GFRAL: variants seen among roughly 807,000 people sequenced by gnomAD.
The protein encoded by GFRAL is GDNF family receptor alpha-like.
A neutral mutation model predicts 45.4 loss-of-function variants in GFRAL; 36 were observed. The ratio of observed to expected loss-of-function variants is 0.79; its 90% CI spans 0.61 to 1.05. The LOEUF is 1.05. GFRAL is among the 50% of genes least tolerant of loss of function. The pLI, the probability that GFRAL is intolerant of heterozygous loss-of-function variation, is 0.00. For synonymous variants in GFRAL, 166 were observed against 154.1 expected (o/e 1.08, Z -0.57); for missense variants, 507 against 467.5 (o/e 1.08, Z -0.78).
At chr6:55,370,981 T>C (rs1254150475) in intron 6 of GFRAL, among the ~76,000 whole-genome samples, 2 of 152,200 alleles carry the variant, frequency 1.3e-5, no homozygotes, top group Non-Finnish European at 2.9e-5. Flanking sequence ...CCTCTGATGC[T>C]GGGCCCTGCC....
At chr6:55,340,385 C>T (rs1767946771) in intron 3 of GFRAL, among the ~76,000 whole-genome samples, 1 of 152,108 alleles carries the variant, frequency 6.6e-6, no homozygotes, top group Non-Finnish European at 1.5e-5. Context: ...ATACCTGACG[C>T]TTAGCAAATT....
chr6:55,338,952 G>A (rs1460190309), intron 3 of GFRAL, among the ~76,000 whole-genome samples: 1 of 152,070 alleles, frequency 6.6e-6, no homozygotes, highest in African/African-American at 2.4e-5. Context: ...AGTTATCACA[G>A]GCAATAACGT....
At chr6:55,400,289 A>C (rs965680999) in intron 8 of GFRAL, among the ~76,000 whole-genome samples, 2 of 152,188 alleles carry the variant, frequency 1.3e-5, no homozygotes, top group African/African-American at 4.8e-5. Context: ...CCATATATAC[A>C]TGTAAGTACA....
intron 6 of GFRAL, among the ~76,000 whole-genome samples, chr6:55,367,862 G>T (rs1768387326): frequency 1.3e-5 from 2 of 151,758 alleles, no homozygotes; most frequent in Admixed American, 1.3e-4. Context: ...TTTCTCTCTG[G>T]CTGCCCTTAA....
At chr6:55,374,050 C>T (rs1768492285) in intron 6 of GFRAL, among the ~76,000 whole-genome samples, 1 of 152,154 alleles carries the variant, frequency 6.6e-6, no homozygotes, top group Non-Finnish European at 1.5e-5. Context: ...GCTTCCAATT[C>T]CATCCATTTT....
chr6:55,399,232 T>G lies in GFRAL; in HGVS notation c.1005T>G (p.His335Gln), dbSNP rs759255450. Residue 335 changes from histidine to glutamine, a missense_variant, in exon 7 of 9, where the codon CAT becomes CAG. Transcript: ENST00000340465. Reference protein sequence around the residue: ...VKGMALYTRKHANKITLTGFH... With the variant: ...VKGMALYTRKQANKITLTGFH... ...GCATGGCATTGTATACAAGAAAACA[T>G]GCAAACAAAATCACTTTAACTGGAT... The G allele has an allele frequency of 6.2e-7, 1 of 1,608,336 alleles. No individual in the cohort carries two copies. The highest frequency in any genetic ancestry group is 2.2e-5 in the East Asian group (1 of 44,622).
At chr6:55,388,111 C>T (rs1039978129) in intron 6 of GFRAL, among the ~76,000 whole-genome samples, 1 of 152,180 alleles carries the variant, frequency 6.6e-6, no homozygotes, top group South Asian at 2.1e-4. Flanking sequence ...AGAGACTAAG[C>T]TTTCCCAAGC....
intron 5 of GFRAL, among the ~76,000 whole-genome samples, chr6:55,356,570 C>T (rs1212320893): frequency 6.6e-6 from 1 of 151,844 alleles, no homozygotes; most frequent in Non-Finnish European, 1.5e-5. Flanking sequence ...TTTTTAATCT[C>T]TGATTTCATT....
rs374166914 is a variant in GFRAL at position 55,350,047 on chromosome 6, A to T, written c.317-45A>T. ...TGGCCCACGTTTTCCTAGGAAATTC[A>T]GAAAATTGTTCAATAATGAAATAAT... On this transcript the variant is annotated intron_variant, in intron 3 of 8. Transcript: ENST00000340465. 503 of 1,192,594 alleles carry T rather than the reference A, an allele frequency of 4.2e-4. No individual in the cohort carries two copies. The African/African-American group carries it at 6.3e-3, about 15-fold the overall frequency. The allele number at this position is 1,192,594 out of a possible 1,614,324, so 73.9% of individuals were successfully genotyped here.
intron 3 of GFRAL, among the ~76,000 whole-genome samples, chr6:55,347,899 G>A (rs1768064653): frequency 6.6e-6 from 1 of 152,008 alleles, no homozygotes; most frequent in African/African-American, 2.4e-5. Context: ...AATTCAACTA[G>A]TCATTTTATA....
At chr6:55,360,369 G>A (rs1021712117) in intron 6 of GFRAL, among the ~76,000 whole-genome samples, 2 of 151,714 alleles carry the variant, frequency 1.3e-5, no homozygotes, top group East Asian at 3.9e-4. Flanking sequence ...TATTGAAAAT[G>A]TTTGACAGAC....
At chr6:55,328,782 G>A (rs1025832494) in intron 1 of GFRAL, among the ~76,000 whole-genome samples, 21 of 152,050 alleles carry the variant, frequency 1.4e-4, no homozygotes, top group African/African-American at 5.1e-4. Flanking sequence ...TTGACACCAG[G>A]TTGCATGAAG....
intron 3 of GFRAL, among the ~76,000 whole-genome samples, chr6:55,344,100 A>T (rs1052889155): frequency 6.6e-6 from 1 of 152,212 alleles, no homozygotes; most frequent in African/African-American, 2.4e-5. Flanking sequence ...GTTGAATTCT[A>T]GCAGAAATAC....
chr6:55,340,676 G>T lies in GFRAL; in HGVS notation c.316+6732G>T, dbSNP rs190915337. Among the ~76,000 whole-genome samples the T allele has an allele frequency of 2.5e-3, 376 of 152,278 alleles. 3 individuals carry two copies. Among genetic ancestry groups the T allele is most frequent in the African/African-American group, 8.8e-3 (367 of 41,558 alleles). ...CACTGGGGCTTGTCAGACAGTGGGG[G>T]CAGGATAGTGGGTGCAGCCTACTGA... On this transcript the variant is annotated intron_variant, in intron 3 of 8. Transcript: ENST00000340465.
chr6:55,399,584 C>A, intron 8 of GFRAL, 143 bp downstream of exon 8: 1 of 608,806 alleles, frequency 1.6e-6, no homozygotes, highest in Admixed American at 3.0e-5. Context: ...TTTTATGTGG[C>A]ATAGGTCCAT....
chr6:55,332,638 G>A (rs752712968), intron 2 of GFRAL, among the ~76,000 whole-genome samples: 6 of 151,982 alleles, frequency 3.9e-5, no homozygotes, highest in Non-Finnish European at 7.4e-5. Flanking sequence ...TGGCCAGGAT[G>A]GTCTCAATTT....
In GFRAL at chr6:55,366,959, G is replaced by A. The variant is rs532967413; in HGVS notation, c.952+7821G>A. Among the ~76,000 whole-genome samples, 212 of 57,956 alleles carry A rather than the reference G, an allele frequency of 3.7e-3. 3 individuals are homozygous for A. The highest frequency in any genetic ancestry group is 0.019 in the African/African-American group (176 of 9,116). 38.0% of individuals were successfully genotyped at this position (57,956 alleles called of 152,430 possible). Reference sequence around the variant, plus strand: ...AGTTCTGTAGATGTCTATTAGGTCCGCTTGGTGCAGAGCTGAGTTCAATTC... The same window carrying A: ...AGTTCTGTAGATGTCTATTAGGTCCACTTGGTGCAGAGCTGAGTTCAATTC... On this transcript the variant is annotated intron_variant, in intron 6 of 8. Transcript: ENST00000340465.
chr6:55,331,821 A>G lies in GFRAL; in HGVS notation c.129A>G (p.Arg43=). 1 of 1,610,834 alleles carries G rather than the reference A, an allele frequency of 6.2e-7. No individual in the cohort carries two copies. The highest frequency in any genetic ancestry group is 8.5e-7 in the Non-Finnish European group (1 of 1,178,832). Residue 43 remains arginine (R), a synonymous_variant, in exon 2 of 9, where the codon AGA becomes AGG. Coordinates refer to ENST00000340465, the MANE Select transcript of GFRAL (RefSeq NM_207410.2). ...CAAATGGATGTAAACATGCTTGGAG[A>G]GTAATGGAAGATGCCTGCAATGATT... ...RDANGCKHAW[R]VMEDACNDSD... is the part of the protein sequence containing the mutation.
rs1261402501 is a variant in GFRAL, at chr6:55,333,796, C to A, written c.168C>A (p.Asp56Glu). The change falls in exon 3 of 9, where the codon GAC becomes GAA. Residue 56 changes from aspartate to glutamate, a missense_variant. Physicochemically the swap from Asp to Glu is conservative, Grantham distance 45. Transcript: ENST00000340465. The stretch of plus-strand genomic sequence containing the variant: ...GTGTTTGATTGTGAGATCCAGGTGA[C>A]CCCTGCAAGATGAGGAATTCATCAT... Reference protein sequence around the residue: ...EDACNDSDPGDPCKMRNSSYC... With the variant: ...EDACNDSDPGEPCKMRNSSYC... 1 of 1,592,404 alleles carries A rather than the reference C, an allele frequency of 6.3e-7. No individual in the cohort carries two copies. The highest frequency in any genetic ancestry group is 8.5e-7 in the Non-Finnish European group (1 of 1,170,146).
Sources: gnomAD v4.1 joint callset for allele counts (sites outside exome capture counted in the v4.1 genomes callset) on GRCh38, gnomAD v4.1.1 for gene constraint, MANE v1.5 for transcripts, NCBI Gene and HGNC (gene_info 2026-07-23, HGNC 2026-07-21) for gene names.